The following RPH3AL variants were observed in gnomAD, a reference collection of about 807,000 sequenced individuals.
The protein encoded by RPH3AL is rab effector Noc2.
A neutral mutation model predicts 43.1 loss-of-function variants in RPH3AL; 38 were observed. That is an observed-to-expected ratio of 0.88 (90% CI 0.68 to 1.15). The LOEUF (loss-of-function observed/expected upper bound fraction) is 1.15, where lower values mean the gene tolerates loss of function less well. Among genes scored for constraint, RPH3AL ranks in the 50% most tolerant of loss-of-function variants. The pLI is 0.00. For missense variants in RPH3AL, 462 were observed against 423.2 expected (o/e 1.09, Z -0.81); for synonymous variants, 189 against 176.3 (o/e 1.07, Z -0.57).
At chr17:336,723 C>T (rs550248361) in intron 1 of RPH3AL, among the ~76,000 whole-genome samples, 4 of 152,312 alleles carry the variant, frequency 2.6e-5, no homozygotes, top group Admixed American at 6.5e-5. Context: ...CCCTCAAGGC[C>T]GTCCATGATC....
rs2043032513 is a variant in RPH3AL at position 290,877 on chromosome 17, C to T, written c.352-9023G>A. Among the ~76,000 whole-genome samples the T allele has an allele frequency of 6.6e-6, 1 of 152,166 alleles. No individual in the cohort carries two copies. The highest frequency in any genetic ancestry group is 1.5e-5 in the Non-Finnish European group (1 of 68,024). ...TGGACGGGCCGGGACAGCTTCACAG[C>T]GTCACCATCCATGGCACAGAGAGGG... On this transcript the variant is annotated intron_variant, in intron 5 of 9. Transcript: ENST00000331302. This position sits in a 1 kb window ranked among gnomAD's most constrained non-coding sequence, Gnocchi z 4.2.
intron 8 of RPH3AL, among the ~76,000 whole-genome samples, chr17:218,949 C>T (rs753338221): frequency 4.6e-5 from 7 of 152,198 alleles, no homozygotes; most frequent in South Asian, 4.2e-4. Context: ...AGTTGGGGAA[C>T]GCTCACAGGT....
intron 7 of RPH3AL, among the ~76,000 whole-genome samples, chr17:222,343 G>A (rs2041012554): frequency 6.6e-6 from 1 of 152,222 alleles, no homozygotes; most frequent in Non-Finnish European, 1.5e-5. Context: ...ACAACCCTCT[G>A]ATTTTACTGC....
At chr17:236,117 G>A (rs1344200327) in intron 7 of RPH3AL, among the ~76,000 whole-genome samples, 1 of 152,228 alleles carries the variant, frequency 6.6e-6, no homozygotes, top group East Asian at 1.9e-4. Flanking sequence ...GCCTCACACT[G>A]TGCCAGCCCT....
In RPH3AL at chr17:246,145, A is replaced by G. The variant is rs2041759192; in HGVS notation, c.613+966T>C. Among the ~76,000 whole-genome samples, 1 of 152,206 alleles carries G rather than the reference A, an allele frequency of 6.6e-6. No homozygotes were observed. Among genetic ancestry groups the G allele is most frequent in the African/African-American group, 2.4e-5 (1 of 41,456 alleles). On this transcript the variant is annotated intron_variant, in intron 7 of 9. Transcript: ENST00000331302. The surrounding 1 kb of genome is among the most constrained non-coding windows in gnomAD (Gnocchi z 4.8). ...TTTGTAACAAGAAAAAACAGCCCGA[A>G]TGACATAAAGATGGTCAGATGTCAG...
At chr17:311,521 C>T (rs371369301) in intron 5 of RPH3AL, among the ~76,000 whole-genome samples, 4 of 152,176 alleles carry the variant, frequency 2.6e-5, no homozygotes, top group South Asian at 2.1e-4. Flanking sequence ...CCACAGTGCA[C>T]GTCACACTAG....
At chr17:318,238 C>A (rs1437928096) in intron 5 of RPH3AL, among the ~76,000 whole-genome samples, 1 of 151,820 alleles carries the variant, frequency 6.6e-6, no homozygotes, top group Non-Finnish European at 1.5e-5. Context: ...AAAAATTAGC[C>A]GGTAGTGGTG....
At chr17:286,933 TCG>T (rs113940155) in intron 5 of RPH3AL, among the ~76,000 whole-genome samples, 9,658 of 98,952 alleles carry the variant, frequency 0.098, 663 homozygotes, top group East Asian at 0.31. Flanking sequence ...CCGTCAGACC[TCG>T]CACCCTCTCT....
intron 9 of RPH3AL, among the ~76,000 whole-genome samples, chr17:214,193 A>G (rs2040737472): frequency 6.6e-6 from 1 of 152,194 alleles, no homozygotes; most frequent in Non-Finnish European, 1.5e-5. Context: ...GAAGGAGCAA[A>G]TGGGCACGGA....
intron 5 of RPH3AL, among the ~76,000 whole-genome samples, chr17:308,753 T>C (rs1193719808): frequency 6.6e-6 from 1 of 152,124 alleles, no homozygotes; most frequent in African/African-American, 2.4e-5. Flanking sequence ...CTAATGAACA[T>C]CCAGGTGAGG....
At chr17:324,256 G>A (rs932822403) in intron 3 of RPH3AL, among the ~76,000 whole-genome samples, 1 of 152,132 alleles carries the variant, frequency 6.6e-6, no homozygotes, top group African/African-American at 2.4e-5. Flanking sequence ...CCCCAGGGCC[G>A]CCTCCGCACC....
At position 220,059 on chromosome 17, in the gene RPH3AL, G is replaced by A. The variant is rs148289437; in HGVS notation, c.614-323C>T. 6.7e-3 allele frequency among the ~76,000 whole-genome samples: 1,018 copies of A among 152,172 alleles called. 5 individuals are homozygous for A. The highest frequency in any genetic ancestry group is 0.02 in the Middle Eastern group (6 of 294). The stretch of plus-strand genomic sequence containing the variant: ...CTAGTGGAACCAGAACCCACTGGCC[G>A]TGTCGGAGGCTGATTATCACCGTGA... On this transcript the variant is annotated intron_variant, in intron 7 of 9. Transcript: ENST00000331302.
intron 6 of RPH3AL, among the ~76,000 whole-genome samples, chr17:260,938 AC>A (rs1555546053): frequency 6.6e-6 from 1 of 151,924 alleles, no homozygotes; most frequent in Non-Finnish European, 1.5e-5. Context: ...TTGGGAAATC[AC>A]TTTTATCCAG....
intron 5 of RPH3AL, among the ~76,000 whole-genome samples, chr17:303,517 C>G (rs1419845479): frequency 1.5e-5 from 2 of 131,276 alleles, no homozygotes; most frequent in African/African-American, 2.8e-5. Flanking sequence ...AATTATTGAG[C>G]AGTGACCGTG....
intron 6 of RPH3AL, chr17:247,626 CTGT>C: frequency 2.8e-5 from 8 of 283,012 alleles, no homozygotes; most frequent in South Asian, 2.5e-4. Context: ...GCTGGGACTA[CTGT>C]ACCTGGGTCT....
intron 7 of RPH3AL, among the ~76,000 whole-genome samples, chr17:239,310 G>A (rs537905249): frequency 4.6e-5 from 7 of 152,238 alleles, no homozygotes; most frequent in South Asian, 2.1e-4. Context: ...TTAACATTTC[G>A]ATCTTACCTA....
intron 5 of RPH3AL, among the ~76,000 whole-genome samples, chr17:285,853 G>A (rs544895406): frequency 8.5e-5 from 13 of 152,228 alleles, no homozygotes; most frequent in African/African-American, 2.4e-4. Context: ...CCCTCAGCGC[G>A]GCTCTATCTC....
chr17:328,664 C>T lies in RPH3AL; in HGVS notation c.-36-1085G>A, dbSNP rs2044674020. On this transcript the variant is annotated intron_variant, in intron 2 of 9. Transcript: ENST00000331302. This position sits in a 1 kb window ranked among gnomAD's most constrained non-coding sequence, Gnocchi z 4.2. Reference sequence around the variant, plus strand: ...CAGAAACAACGAAAATATCCATCAACTGATGAATGAGGAAAATGTGCTATA... The same window carrying T: ...CAGAAACAACGAAAATATCCATCAATTGATGAATGAGGAAAATGTGCTATA... Among the ~76,000 whole-genome samples the T allele has an allele frequency of 1.3e-5, 2 of 151,982 alleles. No individual in the cohort carries two copies. Among genetic ancestry groups the T allele is most frequent in the African/African-American group, 4.8e-5 (2 of 41,288 alleles).
At chr17:330,480 G>A (rs2044724713) in intron 2 of RPH3AL, among the ~76,000 whole-genome samples, 1 of 152,240 alleles carries the variant, frequency 6.6e-6, no homozygotes, top group African/African-American at 2.4e-5. Context: ...AGCCTTTAGA[G>A]CACTATGGTT....
Sources: gnomAD v4.1 joint callset for allele counts (sites outside exome capture counted in the v4.1 genomes callset) on GRCh38, gnomAD v4.1.1 for gene constraint, Gnocchi (gnomAD v3.1) non-coding constraint, MANE v1.5 for transcripts, NCBI Gene and HGNC (gene_info 2026-07-23, HGNC 2026-07-21) for gene names.